ACSL5: variants seen among roughly 807,000 people sequenced by gnomAD.
The protein encoded by ACSL5 is long-chain-fatty-acid--CoA ligase 5.
In ACSL5, 50 loss-of-function variants were observed where a neutral mutation model predicts 84.9. The observed-to-expected ratio is 0.59, with a 90% CI of 0.47 to 0.75. The LOEUF (loss-of-function observed/expected upper bound fraction) is 0.75, where lower values mean the gene tolerates loss of function less well. Among genes scored for constraint, ACSL5 ranks in the 30% least tolerant of loss-of-function variants. ACSL5 has a pLI of 0.00. For missense variants in ACSL5, 775 were observed against 830.4 expected (o/e 0.93, Z 0.82); for synonymous variants, 280 against 300.7 (o/e 0.93, Z 0.71).
intron 1 of ACSL5, among the ~76,000 whole-genome samples, chr10:112,392,591 A>G (rs1843668766): frequency 6.6e-6 from 1 of 152,104 alleles, no homozygotes; most frequent in Non-Finnish European, 1.5e-5. Flanking sequence ...AATACAAAAA[A>G]GTAGGCCGGC....
chr10:112,421,597 A>G lies in ACSL5; in HGVS notation c.1319A>G (p.Tyr440Cys). Residue 440 changes from tyrosine to cysteine, a missense_variant, in exon 15 of 21, where the codon TAT (tyrosine) becomes TGT (cysteine). Transcript: ENST00000354655. ...FFRAAMGCQV[Y>C]EAYGQTECTG... ...AGCTCTTCTTTGGTTTCCCAGGTGT[A>G]TGAAGCTTATGGTCAAACAGAATGC... is the stretch of plus-strand genomic sequence containing the variant. 6.2e-7 allele frequency: 1 copy of G among 1,614,000 alleles called. No homozygotes were observed. Among genetic ancestry groups the G allele is most frequent in the Non-Finnish European group, 8.5e-7 (1 of 1,179,862 alleles).
chr10:112,427,514 G>A lies in ACSL5; in HGVS notation c.*156G>A, dbSNP rs566062494. 1.2e-4 allele frequency: 73 copies of A among 589,596 alleles called. 1 individual carries two copies. In the South Asian group the frequency reaches 2.5e-3, roughly 20 times the overall value. The allele number at this position is 589,596 out of a possible 1,614,324, so 36.5% of individuals were successfully genotyped here. On this transcript the variant is annotated 3_prime_UTR_variant, in exon 21 of 21. Transcript: ENST00000354655. ...TTTGTTTTATATTGAGACATATAAT[G>A]TGTAAACTTAGTTCCCAAATAAATC... is the stretch of plus-strand genomic sequence containing the variant.
At chr10:112,386,744 T>G (rs4918744) in intron 1 of ACSL5, among the ~76,000 whole-genome samples, 45,661 of 151,822 alleles carry the variant, frequency 0.3, 6,842 homozygotes, top group Middle Eastern at 0.36. Context: ...TTTTCTAGCC[T>G]TCTTAGGTAC....
intron 1 of ACSL5, among the ~76,000 whole-genome samples, chr10:112,391,336 C>A (rs1408287698): frequency 2.0e-5 from 3 of 150,808 alleles, no homozygotes; most frequent in Non-Finnish European, 4.4e-5. Flanking sequence ...TACCACTGCA[C>A]TCCAGCTGGG....
chr10:112,413,442 C>G (rs1844234477), intron 12 of ACSL5, 135 bp downstream of exon 12: 2 of 1,155,808 alleles, frequency 1.7e-6, no homozygotes, highest in South Asian at 2.9e-5. Flanking sequence ...AAATACAATC[C>G]CCGCCAGGTG....
At chr10:112,402,810 A>G (rs954495285) in intron 3 of ACSL5, among the ~76,000 whole-genome samples, 2 of 152,124 alleles carry the variant, frequency 1.3e-5, no homozygotes, top group African/African-American at 4.8e-5. Flanking sequence ...TCCTCTCTAT[A>G]CATTTTCCTG....
intron 9 of ACSL5, among the ~76,000 whole-genome samples, chr10:112,410,992 C>T (rs2419628): frequency 0.17 from 25,628 of 151,976 alleles, 2,593 homozygotes; most frequent in Non-Finnish European, 0.22. Flanking sequence ...GGGCTTCAAC[C>T]CCACCCTACA....
At chr10:112,407,234 A>AT (rs1297455808) in intron 5 of ACSL5, among the ~76,000 whole-genome samples, 4 of 151,708 alleles carry the variant, frequency 2.6e-5, no homozygotes, top group South Asian at 2.1e-4. Flanking sequence ...TTATTTATTT[A>AT]TTTTTTGTGA....
chr10:112,403,751 T>C (rs1181293796), intron 3 of ACSL5, among the ~76,000 whole-genome samples: 2 of 152,226 alleles, frequency 1.3e-5, no homozygotes, highest in Non-Finnish European at 2.9e-5. Context: ...TATTATATTT[T>C]AGGGGCTCTA....
chr10:112,402,917 C>G (rs1843940628), intron 3 of ACSL5, among the ~76,000 whole-genome samples: 1 of 152,206 alleles, frequency 6.6e-6, no homozygotes, highest in South Asian at 2.1e-4. Flanking sequence ...CCACTACTTC[C>G]TTGACTTAGC....
chr10:112,379,238 C>T (rs1008162121), intron 1 of ACSL5, among the ~76,000 whole-genome samples: 2 of 152,152 alleles, frequency 1.3e-5, no homozygotes, highest in Admixed American at 1.3e-4. Context: ...AACCCCATCT[C>T]TGCTAAAAAT....
At chr10:112,399,062 C>T (rs1843815473) in intron 3 of ACSL5, 53 bp downstream of exon 3, 2 of 1,453,426 alleles carry the variant, frequency 1.4e-6, no homozygotes, top group South Asian at 2.3e-5. Flanking sequence ...GGTCTGTGGC[C>T]CATCTCTCTT....
Position 112,408,422 on chromosome 10 carries a change from T to A in ACSL5, c.433T>A (p.Trp145Arg). Residue 145 changes from tryptophan (W) to arginine (R), a missense_variant and splice_region_variant, in exon 6 of 21, where the codon TGG becomes AGG. By Grantham distance (101) the Trp-to-Arg change is moderately radical. Transcript: ENST00000354655. Reference sequence around the variant, plus strand: ...CTTACTTGAACTTCTCTCTGTACAGTGGATCATCTCCGAATTGGCTTGTTA... The same window carrying A: ...CTTACTTGAACTTCTCTCTGTACAGAGGATCATCTCCGAATTGGCTTGTTA... ...VGIFAQNRPE[W>R]IISELACYTY... The A allele has an allele frequency of 6.2e-7, 1 of 1,604,152 alleles. No homozygotes were observed. Among genetic ancestry groups the A allele is most frequent in the Non-Finnish European group, 8.5e-7 (1 of 1,171,004 alleles).
chr10:112,410,340 G>A (rs745688124), intron 7 of ACSL5, 123 bp from the exon 8 acceptor site: 99 of 1,559,358 alleles, frequency 6.3e-5, no homozygotes, highest in Non-Finnish European at 8.1e-5. Context: ...CCTGATCCAG[G>A]TTGGAATTTT....
chr10:112,404,893 C>T, intron 5 of ACSL5, 87 bp downstream of exon 5: 1 of 1,128,256 alleles, frequency 8.9e-7, no homozygotes, highest in Non-Finnish European at 1.3e-6. Flanking sequence ...CATTCCAACA[C>T]TTGTTAATGC....
Position 112,395,044 on chromosome 10 carries a change from C to A in ACSL5, c.98C>A (p.Thr33Asn). ...GCTGCCATCTTCTTGTGGCTGATCA[C>A]CAGACCTCAACCCGTCTTACCTCTT... is the stretch of plus-strand genomic sequence containing the variant. ...FGAAIFLWLI[T>N]RPQPVLPLLD... Residue 33 changes from threonine (T) to asparagine (N), a missense_variant, in exon 2 of 21, where the codon ACC (threonine) becomes AAC (asparagine). Physicochemically the swap from Thr to Asn is moderately conservative, Grantham distance 65 (BLOSUM62 0). Coordinates refer to ENST00000354655, the MANE Select transcript of ACSL5 (RefSeq NM_203379.2). 6.2e-7 allele frequency: 1 copy of A among 1,614,032 alleles called. No individual in the cohort carries two copies. The highest frequency in any genetic ancestry group is 8.5e-7 in the Non-Finnish European group (1 of 1,180,000).
chr10:112,426,012 G>A (rs537930361), intron 18 of ACSL5, among the ~76,000 whole-genome samples: 3 of 152,262 alleles, frequency 2.0e-5, no homozygotes, highest in Non-Finnish European at 2.9e-5. Context: ...AGCCAGAGGC[G>A]CTTTAAGCTT....
chr10:112,427,132 T>G, intron 20 of ACSL5, 86 bp from the exon 21 acceptor site: 1 of 1,394,898 alleles, frequency 7.2e-7, no homozygotes, highest in East Asian at 2.3e-5. Flanking sequence ...TGCATCAACC[T>G]CACTTTCTTC....
intron 1 of ACSL5, 129 bp downstream of exon 1, chr10:112,374,398 C>T (rs150992361): frequency 6.6e-6 from 1 of 152,142 alleles, no homozygotes; most frequent in African/African-American, 2.4e-5. Flanking sequence ...CATGAAATTA[C>T]ATTTAGTTGA....
Sources: allele counts gnomAD v4.1 joint callset (sites outside exome capture counted in the v4.1 genomes callset), GRCh38; gene constraint gnomAD v4.1.1; transcripts MANE v1.5; gene names NCBI Gene and HGNC (gene_info 2026-07-23, HGNC 2026-07-21).